IGSF9: variants seen among roughly 807,000 people sequenced by gnomAD.
IGSF9 encodes immunoglobulin superfamily member 9.
In IGSF9, 87 loss-of-function variants were observed where a neutral mutation model predicts 121.7. That is an observed-to-expected ratio of 0.71 (90% CI 0.60 to 0.85). IGSF9 has a LOEUF of 0.85. Among genes scored for constraint, IGSF9 ranks in the 40% least tolerant of loss-of-function variants. IGSF9 has a pLI of 0.00. For missense variants in IGSF9, 1,462 were observed against 1,565.3 expected (o/e 0.93, Z 1.11); for synonymous variants, 640 against 648.4 (o/e 0.99, Z 0.20).
chr1:159,933,951 G>A, intron 9 of IGSF9: 1 of 556,020 alleles, frequency 1.8e-6, no homozygotes, highest in East Asian at 3.1e-5. Flanking sequence ...ATTTTCCCCA[G>A]AGATCATCTC....
Position 159,930,183 on chromosome 1 carries a change from A to T in IGSF9, c.2064+6T>A. The T allele has an allele frequency of 6.2e-7, 1 of 1,601,312 alleles. No homozygotes were observed. Among genetic ancestry groups the T allele is most frequent in the African/African-American group, 1.3e-5 (1 of 74,558 alleles). ...GGCCTCTCTCTGTATCGCCTTTCGC[A>T]CATACCTTGATGAGGCCTGGCACCA... On this transcript the variant is annotated splice_donor_region_variant and intron_variant, in intron 15 of 20. Coordinates refer to ENST00000368094, the MANE Select transcript of IGSF9 (RefSeq NM_001135050.2).
Position 159,931,626 on chromosome 1 carries a change from T to C in IGSF9, c.1363-23A>G. The C allele has an allele frequency of 6.2e-7, 1 of 1,609,320 alleles. No homozygotes were observed. The highest frequency in any genetic ancestry group is 2.2e-5 in the East Asian group (1 of 44,700). ...CACCTACAGAACCACTGGTGAGCCC[T>C]GAGGACACACGCAGCCACCCCTCAC... On this transcript the variant is annotated intron_variant, in intron 11 of 20. Transcript: ENST00000368094. The surrounding 1 kb of genome is among the most constrained non-coding windows in gnomAD (Gnocchi z 4.8).
At chr1:159,936,198 C>T (rs1431194902) in intron 6 of IGSF9, among the ~76,000 whole-genome samples, 1 of 152,200 alleles carries the variant, frequency 6.6e-6, no homozygotes, top group African/African-American at 2.4e-5. Context: ...GCACTAAGAT[C>T]GCTTTGTCTG....
At position 159,929,030 on chromosome 1, in the gene IGSF9, C is replaced by T. The variant is rs776629499; in HGVS notation, c.2370-12G>A. The T allele has an allele frequency of 1.3e-6, 2 of 1,512,702 alleles. No homozygotes were observed. Among genetic ancestry groups the T allele is most frequent in the Non-Finnish European group, 1.8e-6 (2 of 1,132,456 alleles). 93.7% of individuals were successfully genotyped at this position (1,512,702 alleles called of 1,614,324 possible). A position where few individuals can be genotyped will look rare whatever the true frequency, so the allele number is the denominator to read the frequency against. ...AGCCCAGAGCAGAGCTGGGGAAGGA[C>T]AGGAGATCAGGGTCTGTGGTAGGGG... On this transcript the variant is annotated splice_polypyrimidine_tract_variant and intron_variant, in intron 18 of 20. Coordinates refer to ENST00000368094, the MANE Select transcript of IGSF9 (RefSeq NM_001135050.2).
chr1:159,928,490 G>C lies in IGSF9; in HGVS notation c.2898C>G (p.Phe966Leu). 2 of 1,584,372 alleles carry C rather than the reference G, an allele frequency of 1.3e-6. No homozygotes were observed. The highest frequency in any genetic ancestry group is 1.7e-6 in the Non-Finnish European group (2 of 1,162,890). ...MDTRRCPTSS[F>L]LRSPETPPVS... The stretch of plus-strand genomic sequence containing the variant: ...CAGGAGGGGTTTCTGGAGAACGAAG[G>C]AAAGATGAGGTGGGACAGCGCCGGG... The change falls in exon 19 of 21, where the codon TTC becomes TTG. Residue 966 changes from phenylalanine (F) to leucine (L), a missense_variant. By Grantham distance (22) the Phe-to-Leu change is conservative (BLOSUM62 0). This residue lies in a region of IGSF9 where 808 missense variants were observed against 815.2 expected (regional missense o/e 0.99). Coordinates refer to ENST00000368094, the MANE Select transcript of IGSF9 (RefSeq NM_001135050.2).
chr1:159,935,520 G>A (rs920779133), intron 6 of IGSF9, among the ~76,000 whole-genome samples: 3 of 152,090 alleles, frequency 2.0e-5, no homozygotes, highest in Non-Finnish European at 4.4e-5. Context: ...GCCTGGCCGC[G>A]CCACATACCT....
chr1:159,943,934 A>T (rs1040081920), intron 1 of IGSF9, among the ~76,000 whole-genome samples: 1 of 152,120 alleles, frequency 6.6e-6, no homozygotes, highest in Non-Finnish European at 1.5e-5. Context: ...GTCTTGAAAA[A>T]CTAAGCCAGA....
chr1:159,928,208 A>T lies in IGSF9; in HGVS notation c.3180T>A (p.Ser1060Arg). 6.2e-7 allele frequency: 1 copy of T among 1,612,546 alleles called. No homozygotes were observed. ...PAPGDTSSWA[S>R]GPERWPRREH... is the part of the protein sequence containing the mutation. ...CCCTTCGGGGCCATCTCTCAGGGCC[A>T]CTGGCCCAGCTGCTGGTGTCTCCTG... The change falls in exon 19 of 21, where the codon AGT (serine) becomes AGA (arginine). Residue 1060 changes from serine to arginine, a missense_variant. Ser to Arg is a moderately radical substitution (Grantham distance 110). Transcript: ENST00000368094.
intron 18 of IGSF9, 45 bp downstream of exon 18, chr1:159,929,306 T>G: frequency 6.3e-7 from 1 of 1,597,986 alleles, no homozygotes; most frequent in Non-Finnish European, 8.6e-7. Context: ...TACTGGCACG[T>G]ACAATGGAAA....
At chr1:159,930,567 C>T in intron 14 of IGSF9, 125 bp downstream of exon 14, 1 of 1,517,090 alleles carries the variant, frequency 6.6e-7, no homozygotes, top group South Asian at 1.2e-5. Flanking sequence ...CTTCCACACA[C>T]CCCTCTGGAC....
Position 159,936,925 on chromosome 1 carries a change from C to T in IGSF9, c.401-17G>A, listed in dbSNP as rs991011553. The stretch of plus-strand genomic sequence containing the variant: ...GAGGGGGTGCTGCAAGGGAGACAGG[C>T]ATCAGGGGCCCCAGTGGGGCTGTCA... On this transcript the variant is annotated splice_polypyrimidine_tract_variant and intron_variant, in intron 4 of 20. Coordinates refer to ENST00000368094, the MANE Select transcript of IGSF9 (RefSeq NM_001135050.2). The T allele has an allele frequency of 3.1e-6, 5 of 1,613,352 alleles. No homozygotes were observed. In the African/African-American group the frequency reaches 6.7e-5, roughly 22 times the overall value.
At chr1:159,929,502 G>T in intron 17 of IGSF9, 109 bp from the exon 18 acceptor site, 1 of 1,502,678 alleles carries the variant, frequency 6.7e-7, no homozygotes, top group Non-Finnish European at 9.1e-7. Context: ...TGGGAAAAGC[G>T]TAGGCAGGAC....
chr1:159,936,577 C>A, intron 5 of IGSF9, 61 bp from the exon 6 acceptor site: 2 of 1,564,440 alleles, frequency 1.3e-6, no homozygotes, highest in African/African-American at 1.3e-5. Context: ...CCTGCACTTC[C>A]GAGTTTGGCC....
rs1172510456 is a variant in IGSF9 at position 159,929,761 on chromosome 1, C to A, written c.2203G>T (p.Val735Leu). 1.2e-6 allele frequency: 2 copies of A among 1,606,004 alleles called. No individual in the cohort carries two copies. The highest frequency in any genetic ancestry group is 1.7e-4 in the Middle Eastern group (1 of 6,050). Reference protein sequence around the residue: ...TQLPGLLPQPVLAGVVGGVCF... With the variant: ...TQLPGLLPQPLLAGVVGGVCF... ...ACTCCGCCCACCACGCCGGCCAGCA[C>A]GGGCTGAGGCAGGAGGCCCGGCAGC... The change falls in exon 17 of 21, where the codon GTG (valine) becomes TTG (leucine). Residue 735 changes from valine (V) to leucine (L), a missense_variant. By Grantham distance (32) the Val-to-Leu change is conservative (BLOSUM62 1). This residue lies in a region of IGSF9 where 808 missense variants were observed against 815.2 expected (regional missense o/e 0.99). Coordinates refer to ENST00000368094, the MANE Select transcript of IGSF9 (RefSeq NM_001135050.2).
rs1005724438 is a variant in IGSF9, at chr1:159,931,332, G to A, written c.1514-71C>T. ...TGTACAGAGTAGCAGGGGCCCCAGGGCCACTGACCTTCACCCATCATCATC... is the reference window on the plus strand; with the variant it reads ...TGTACAGAGTAGCAGGGGCCCCAGGACCACTGACCTTCACCCATCATCATC... On this transcript the variant is annotated intron_variant, in intron 12 of 20. Transcript: ENST00000368094. The surrounding 1 kb of genome is among the most constrained non-coding windows in gnomAD (Gnocchi z 4.8). The A allele has an allele frequency of 3.6e-5, 57 of 1,604,600 alleles. No homozygotes were observed. Among genetic ancestry groups the A allele is most frequent in the Non-Finnish European group, 4.7e-5 (55 of 1,173,624 alleles).
At chr1:159,934,935 G>A in intron 6 of IGSF9, 113 bp from the exon 7 acceptor site, 1 of 1,279,004 alleles carries the variant, frequency 7.8e-7, no homozygotes. Flanking sequence ...AGGGCTCGTT[G>A]TTACAGGGCT....
Position 159,938,486 on chromosome 1 carries a change from A to C in IGSF9, c.248-648T>G, listed in dbSNP as rs533724758. Among the ~76,000 whole-genome samples the C allele has an allele frequency of 3.5e-4, 54 of 152,264 alleles. No individual in the cohort carries two copies. In the East Asian group the frequency reaches 3.9e-3, roughly 11 times the overall value. On this transcript the variant is annotated intron_variant, in intron 3 of 20. Transcript: ENST00000368094. ...ATCACATACACTTCCACAAAGCCAC[A>C]CAACCACAGCACAACCAGACACCTC...
chr1:159,941,740 G>A (rs1159877264), intron 3 of IGSF9, among the ~76,000 whole-genome samples: 4 of 152,224 alleles, frequency 2.6e-5, no homozygotes, highest in African/African-American at 7.2e-5. Flanking sequence ...CCGGCAGCCC[G>A]AGACCCCTCC....
rs1267420140 is a variant in IGSF9 at position 159,927,500 on chromosome 1, G to A, written c.3385C>T (p.Leu1129Phe). ...CCAGTAACATGGGCAGTGTTCAGGAGGCAGCCCTCCTCTGGAGTCTTCACA... is the reference window on the plus strand; with the variant it reads ...CCAGTAACATGGGCAGTGTTCAGGAAGCAGCCCTCCTCTGGAGTCTTCACA... ...LGVKTPEEGC[L>F]LNTAHVTGPE... The change falls in exon 21 of 21, where the codon CTC becomes TTC. Residue 1129 changes from leucine (L) to phenylalanine (F), a missense_variant. Leu to Phe is a conservative substitution (Grantham distance 22, BLOSUM62 0). Coordinates refer to ENST00000368094, the MANE Select transcript of IGSF9 (RefSeq NM_001135050.2). The A allele has an allele frequency of 9.3e-6, 15 of 1,613,928 alleles. No individual in the cohort carries two copies. Among genetic ancestry groups the A allele is most frequent in the African/African-American group, 1.3e-5 (1 of 75,060 alleles).
Sources: gnomAD v4.1 joint callset for allele counts (sites outside exome capture counted in the v4.1 genomes callset) on GRCh38, gnomAD v4.1.1 for gene constraint, gnomAD v4.1.1 regional missense constraint, Gnocchi (gnomAD v3.1) non-coding constraint, MANE v1.5 for transcripts, NCBI Gene and HGNC (gene_info 2026-07-23, HGNC 2026-07-21) for gene names.